SPAM1: variants seen among roughly 807,000 people sequenced by gnomAD.
The protein encoded by SPAM1 is sperm adhesion molecule 1.
A neutral mutation model predicts 29.6 loss-of-function variants in SPAM1; 22 were observed. The observed-to-expected ratio is 0.74, with a 90% CI of 0.53 to 1.06. The LOEUF is 1.06. Ranked by LOEUF, SPAM1 falls within the 50% of genes least tolerant of loss-of-function variation. The probability of loss-of-function intolerance (pLI) is 0.00; values close to 1 mark genes in which losing one functional copy is unlikely to be tolerated. For synonymous variants in SPAM1, 194 were observed against 204.6 expected (o/e 0.95, Z 0.44); for missense variants, 534 against 604.0 (o/e 0.88, Z 1.21).
chr7:123,954,163 A>T lies in SPAM1; in HGVS notation c.593A>T (p.Asp198Val), dbSNP rs893737869. 6.2e-7 allele frequency: 1 copy of T among 1,613,244 alleles called. No individual in the cohort carries two copies. The highest frequency in any genetic ancestry group is 8.5e-7 in the Non-Finnish European group (1 of 1,179,584). ...AKQEFEKAGK[D>V]FLVETIKLGK... Reference sequence around the variant, plus strand: ...CAAGAATTTGAAAAGGCAGGGAAGGATTTCCTGGTAGAGACTATAAAATTG... The same window carrying T: ...CAAGAATTTGAAAAGGCAGGGAAGGTTTTCCTGGTAGAGACTATAAAATTG... Residue 198 changes from aspartate (D) to valine (V), a missense_variant, in exon 3 of 5, where the codon GAT becomes GTT. Asp to Val is a radical substitution (Grantham distance 152). Transcript: ENST00000682466.
intron 4 of SPAM1, among the ~76,000 whole-genome samples, chr7:123,956,380 A>C (rs1465786261): frequency 6.6e-6 from 1 of 152,072 alleles, no homozygotes; most frequent in African/African-American, 2.4e-5. Flanking sequence ...TGTAATCAAT[A>C]GTCATGGATT....
chr7:123,954,580 G>A lies in SPAM1; in HGVS notation c.954+56G>A, dbSNP rs376097580. The A allele has an allele frequency of 7.7e-5, 91 of 1,180,174 alleles. 1 individual carries two copies. The South Asian group carries it at 1.0e-3, about 13-fold the overall frequency. 73.1% of individuals were successfully genotyped at this position (1,180,174 alleles called of 1,614,324 possible). ...ATGAAATTCACAAAAGATGTTGATTGAAATTTAATATTATTTTTGAAGGGA... is the reference window on the plus strand; with the variant it reads ...ATGAAATTCACAAAAGATGTTGATTAAAATTTAATATTATTTTTGAAGGGA... On this transcript the variant is annotated intron_variant, in intron 3 of 4. Coordinates refer to ENST00000682466, the MANE Select transcript of SPAM1 (RefSeq NM_153189.3).
At chr7:123,967,602 G>T (rs927372422) in intron 5 of SPAM1, among the ~76,000 whole-genome samples, 3 of 151,940 alleles carry the variant, frequency 2.0e-5, no homozygotes, top group Admixed American at 2.0e-4. Context: ...GTGTGTGCAT[G>T]TGTGCACATG....
At chr7:123,934,136 G>T (rs1808177676) in intron 1 of SPAM1, among the ~76,000 whole-genome samples, 1 of 152,110 alleles carries the variant, frequency 6.6e-6, no homozygotes, top group African/African-American at 2.4e-5. Flanking sequence ...ATCTAGGTTT[G>T]TATAAGTACA....
intron 1 of SPAM1, among the ~76,000 whole-genome samples, chr7:123,928,736 A>G (rs1413609462): frequency 1.3e-5 from 2 of 152,128 alleles, no homozygotes; most frequent in Non-Finnish European, 2.9e-5. Flanking sequence ...CCTCTGAGGA[A>G]GTTGGGGTCT....
At position 123,954,395 on chromosome 7, in the gene SPAM1, A is replaced by G. The variant is rs1160013865; in HGVS notation, c.825A>G (p.Thr275=). Reference sequence around the variant, plus strand: ...CTCAGCAGTCTCCTGTAGCTGCTACACTCTATGTGCGCAATCGAGTTCGGG... The same window carrying G: ...CTCAGCAGTCTCCTGTAGCTGCTACGCTCTATGTGCGCAATCGAGTTCGGG... ...LNTQQSPVAA[T]LYVRNRVREA... The change falls in exon 3 of 5, where the codon ACA becomes ACG. Residue 275 remains threonine (T), a synonymous_variant. Coordinates refer to ENST00000682466, the MANE Select transcript of SPAM1 (RefSeq NM_153189.3). 3 of 1,613,394 alleles carry G rather than the reference A, an allele frequency of 1.9e-6. No individual in the cohort carries two copies. The highest frequency in any genetic ancestry group is 2.2e-5 in the East Asian group (1 of 44,824).
chr7:123,931,897 A>T, intron 1 of SPAM1, among the ~76,000 whole-genome samples: 1 of 152,202 alleles, frequency 6.6e-6, no homozygotes, highest in East Asian at 1.9e-4. Context: ...GATGACCCAC[A>T]GCAAAGTTTG....
At chr7:123,938,605 TTGAC>T (rs1217958296) in intron 1 of SPAM1, among the ~76,000 whole-genome samples, 2 of 152,222 alleles carry the variant, frequency 1.3e-5, no homozygotes, top group African/African-American at 4.8e-5. Flanking sequence ...CTGTTTGTGT[TTGAC>T]TGTAGTGGCT....
At chr7:123,955,481 T>C (rs1330330137) in intron 4 of SPAM1, among the ~76,000 whole-genome samples, 1 of 152,022 alleles carries the variant, frequency 6.6e-6, no homozygotes, top group African/African-American at 2.4e-5. Context: ...ATAGGAAAGC[T>C]GTTGTATGGA....
intron 1 of SPAM1, among the ~76,000 whole-genome samples, chr7:123,938,075 T>A (rs1423193482): frequency 6.6e-6 from 1 of 151,748 alleles, no homozygotes; most frequent in East Asian, 1.9e-4. Flanking sequence ...AGTTTTGCTG[T>A]CACAAAATGT....
chr7:123,962,761 G>T (rs1476560858), downstream of SPAM1, among the ~76,000 whole-genome samples: 2 of 151,824 alleles, frequency 1.3e-5, no homozygotes, highest in Non-Finnish European at 2.9e-5. Flanking sequence ...GTTTCCTTGT[G>T]TCTTCCTTCT....
chr7:123,958,849 T>C (rs866939517), intron 4 of SPAM1, among the ~76,000 whole-genome samples: 2 of 151,610 alleles, frequency 1.3e-5, no homozygotes, highest in African/African-American at 4.8e-5. Context: ...AAAAAAAAAT[T>C]GTCTGACAAA....
At chr7:123,968,599 T>C (rs897931314) in intron 5 of SPAM1, among the ~76,000 whole-genome samples, 1 of 150,422 alleles carries the variant, frequency 6.6e-6, no homozygotes, top group Non-Finnish European at 1.5e-5. Context: ...ATCTTGACAA[T>C]TTTTTTTTTC....
intron 3 of SPAM1, 37 bp from the exon 4 acceptor site, chr7:123,954,960 A>G (rs760717466): frequency 6.8e-7 from 1 of 1,467,336 alleles, no homozygotes. Context: ...CTTTCATTTC[A>G]TTTTTATCTG....
downstream of SPAM1, among the ~76,000 whole-genome samples, chr7:123,962,706 G>A (rs1792374856): frequency 6.6e-6 from 1 of 151,718 alleles, no homozygotes. Context: ...ATTCTATAAA[G>A]TCATTGCTGC....
downstream of SPAM1, among the ~76,000 whole-genome samples, chr7:123,963,510 C>G (rs1360272644): frequency 1.3e-5 from 2 of 151,444 alleles, no homozygotes; most frequent in Non-Finnish European, 3.0e-5. Context: ...TTTTTTATCT[C>G]TTTATATTTT....
chr7:123,956,906 C>T (rs1469449308), intron 4 of SPAM1, among the ~76,000 whole-genome samples: 2 of 151,924 alleles, frequency 1.3e-5, no homozygotes, highest in Non-Finnish European at 2.9e-5. Context: ...GATATATATA[C>T]AAATGATAAG....
chr7:123,950,549 A>G (rs1322609313), intron 2 of SPAM1, among the ~76,000 whole-genome samples: 3 of 152,208 alleles, frequency 2.0e-5, no homozygotes, highest in East Asian at 3.9e-4. Context: ...CATTTAGGAT[A>G]ATGACCTCCA....
intron 1 of SPAM1, among the ~76,000 whole-genome samples, chr7:123,937,386 A>G (rs184344388): frequency 0.012 from 1,792 of 152,102 alleles, 21 homozygotes; most frequent in African/African-American, 0.028. Context: ...CGGATCACAA[A>G]GTCAGGAGAT....
Sources: gnomAD v4.1 joint callset for allele counts (sites outside exome capture counted in the v4.1 genomes callset) on GRCh38, gnomAD v4.1.1 for gene constraint, MANE v1.5 for transcripts, NCBI Gene and HGNC (gene_info 2026-07-23, HGNC 2026-07-21) for gene names.